Variants in GRM5 observed in about 807,000 individuals in gnomAD.
The protein encoded by GRM5 is glutamate metabotropic receptor 5, also known as metabotropic glutamate receptor 5.
In GRM5, 19 loss-of-function variants were observed where a neutral mutation model predicts 83.1. That is an observed-to-expected ratio of 0.23 (90% CI 0.16 to 0.34). The LOEUF is 0.34. Among genes scored for constraint, GRM5 ranks in the 10% least tolerant of loss-of-function variants. The probability of loss-of-function intolerance (pLI) is 1.00; values close to 1 mark genes in which losing one functional copy is unlikely to be tolerated. For synonymous variants in GRM5, 675 were observed against 633.6 expected, an observed-to-expected ratio of 1.07 and a Z score of -0.98; for missense variants, 1,160 against 1,588.3, an observed-to-expected ratio of 0.73 and a Z score of 4.58.
intron 3 of GRM5, among the ~76,000 whole-genome samples, chr11:88,746,024 T>C (rs1942131419): frequency 6.6e-6 from 1 of 152,162 alleles, no homozygotes; most frequent in Non-Finnish European, 1.5e-5. Flanking sequence ...AATTCTTTGT[T>C]GAGTGACTGG....
intron 2 of GRM5, among the ~76,000 whole-genome samples, chr11:88,880,907 A>T (rs1484925028): frequency 6.6e-6 from 1 of 152,158 alleles, no homozygotes; most frequent in Non-Finnish European, 1.5e-5. Context: ...TGGGGAAAAA[A>T]TTGCAATACC....
intron 3 of GRM5, among the ~76,000 whole-genome samples, chr11:88,798,805 C>CAAAAAAAAAAAACAAA (rs1943330714): frequency 1.8e-5 from 1 of 55,398 alleles, no homozygotes; most frequent in Non-Finnish European, 3.2e-5. Context: ...ATGAAAACAC[C>CAAAAAAAAAAAACAAA]AAAAAAAAAA....
intron 2 of GRM5, among the ~76,000 whole-genome samples, chr11:89,033,456 G>C (rs1348246021): frequency 1.3e-5 from 2 of 151,880 alleles, no homozygotes. Context: ...CCTATGATTA[G>C]AAATTGTGTA....
In GRM5 at chr11:88,962,241, C is replaced by T. The variant is rs182245768; in HGVS notation, c.661+84971G>A. ...CAATACACTTATGCATCAGTTTATC[C>T]ATCAGTTTAATAATTTAGCCATCCA... On this transcript the variant is annotated intron_variant, in intron 2 of 9. Transcript: ENST00000305447. Among the ~76,000 whole-genome samples, 299 of 152,134 alleles carry T rather than the reference C, an allele frequency of 2.0e-3. 2 individuals are homozygous for T. The highest frequency in any genetic ancestry group is 7.0e-3 in the African/African-American group (290 of 41,496).
rs1225030699 is a variant in GRM5 at position 88,789,681 on chromosome 11, C to T, written c.911+60225G>A. 2.0e-5 allele frequency among the ~76,000 whole-genome samples: 3 copies of T among 152,056 alleles called. No homozygotes were observed. In the East Asian group the frequency reaches 5.8e-4, roughly 29 times the overall value. On this transcript the variant is annotated intron_variant, in intron 3 of 9. Transcript: ENST00000305447. The stretch of plus-strand genomic sequence containing the variant: ...TTTTCTAACTCCTCAAACCACACAC[C>T]AGTGGCATTCCAAAGCCTACAGAAT...
intron 3 of GRM5, among the ~76,000 whole-genome samples, chr11:88,823,804 C>T (rs974913233): frequency 6.6e-6 from 1 of 152,148 alleles, no homozygotes; most frequent in Non-Finnish European, 1.5e-5. Context: ...TGCCTTGCCT[C>T]TCACCTGATG....
At chr11:88,549,508 C>T (rs1253056512) in intron 8 of GRM5, among the ~76,000 whole-genome samples, 1 of 150,638 alleles carries the variant, frequency 6.6e-6, no homozygotes, top group African/African-American at 2.4e-5. Context: ...GAACAAACAA[C>T]AACAACAAAA....
At chr11:88,797,373 C>T (rs1943301054) in intron 3 of GRM5, among the ~76,000 whole-genome samples, 2 of 152,138 alleles carry the variant, frequency 1.3e-5, no homozygotes, top group African/African-American at 4.8e-5. Flanking sequence ...AACTCCTGAC[C>T]TCCTGATCCA....
chr11:88,700,669 C>T (rs1319245588), intron 3 of GRM5, among the ~76,000 whole-genome samples: 1 of 152,132 alleles, frequency 6.6e-6, no homozygotes, highest in East Asian at 1.9e-4. Context: ...AATCTACCAC[C>T]ATGGCATCCT....
chr11:88,674,714 A>G (rs1315663883), intron 3 of GRM5, among the ~76,000 whole-genome samples: 3 of 151,624 alleles, frequency 2.0e-5, no homozygotes, highest in Non-Finnish European at 2.9e-5. Flanking sequence ...TTGGGAAGCT[A>G]TTTTTTTCCC....
chr11:88,926,250 A>T (rs1274086109), intron 2 of GRM5, among the ~76,000 whole-genome samples: 2 of 151,866 alleles, frequency 1.3e-5, no homozygotes, highest in Non-Finnish European at 2.9e-5. Flanking sequence ...AACCAGGCTG[A>T]CTCCCCTGGA....
chr11:88,534,938 G>T (rs1161718351), intron 8 of GRM5, among the ~76,000 whole-genome samples: 1 of 152,104 alleles, frequency 6.6e-6, no homozygotes, highest in Non-Finnish European at 1.5e-5. Context: ...GTTTTGCTTG[G>T]CTGTCATTCT....
chr11:88,829,840 T>G (rs556712623), intron 3 of GRM5, among the ~76,000 whole-genome samples: 1 of 152,108 alleles, frequency 6.6e-6, no homozygotes, highest in African/African-American at 2.4e-5. Flanking sequence ...AAATATGTAT[T>G]TGATTATGTA....
At chr11:89,041,968 G>T (rs1246947588) in intron 2 of GRM5, among the ~76,000 whole-genome samples, 2 of 152,102 alleles carry the variant, frequency 1.3e-5, no homozygotes, top group African/African-American at 4.8e-5. Flanking sequence ...GCAAACCTTC[G>T]ATACGACCCA....
In GRM5 at chr11:88,548,209, T is replaced by C. The variant is rs142183046; in HGVS notation, c.2630+18844A>G. Among the ~76,000 whole-genome samples, 839 of 152,312 alleles carry C rather than the reference T, an allele frequency of 5.5e-3. 7 individuals are homozygous for C. Among genetic ancestry groups the C allele is most frequent in the African/African-American group, 0.019 (808 of 41,576 alleles). ...ATGCCTGAGGCATACTTTTCTCTCATATTAAGTGTTATGTTCTGAAGGAAA... is the reference window on the plus strand; with the variant it reads ...ATGCCTGAGGCATACTTTTCTCTCACATTAAGTGTTATGTTCTGAAGGAAA... On this transcript the variant is annotated intron_variant, in intron 8 of 9. Transcript: ENST00000305447.
intron 3 of GRM5, among the ~76,000 whole-genome samples, chr11:88,660,521 C>A (rs1030679165): frequency 4.6e-5 from 7 of 152,164 alleles, no homozygotes; most frequent in African/African-American, 1.4e-4. Flanking sequence ...AACATAAGTA[C>A]ATTCTGTACC....
chr11:88,988,395 G>A (rs1387336909), intron 2 of GRM5, among the ~76,000 whole-genome samples: 1 of 151,674 alleles, frequency 6.6e-6, no homozygotes, highest in Non-Finnish European at 1.5e-5. Context: ...TGGTGTACCT[G>A]AAAGTGACGG....
At position 88,910,547 on chromosome 11, in the gene GRM5, T is replaced by C. The variant is rs190039869; in HGVS notation, c.662-60392A>G. On this transcript the variant is annotated intron_variant, in intron 2 of 9. Transcript: ENST00000305447. The stretch of plus-strand genomic sequence containing the variant: ...ACATCATTTTACATTGTGATGGGTA[T>C]AGTTTTGATTGGCTTTCTTTCTTTA... 1.6e-3 allele frequency among the ~76,000 whole-genome samples: 251 copies of C among 152,208 alleles called. 1 individual carries two copies. Among genetic ancestry groups the C allele is most frequent in the African/African-American group, 5.8e-3 (241 of 41,574 alleles).
At chr11:88,963,642 A>T (rs534279053) in intron 2 of GRM5, among the ~76,000 whole-genome samples, 31 of 152,324 alleles carry the variant, frequency 2.0e-4, no homozygotes, top group Non-Finnish European at 4.3e-4. Flanking sequence ...AACCTCTTCT[A>T]GCTTTGGCTT....
Sources: gnomAD v4.1 joint callset for allele counts (sites outside exome capture counted in the v4.1 genomes callset) on GRCh38, gnomAD v4.1.1 for gene constraint, MANE v1.5 for transcripts, NCBI Gene and HGNC (gene_info 2026-07-23, HGNC 2026-07-21) for gene names.